The following COLEC10 variants were observed in gnomAD, a reference collection of about 807,000 sequenced individuals.
COLEC10 encodes collectin subfamily member 10.
Under a neutral mutation model 28.4 loss-of-function variants are expected in COLEC10, and 22 were observed. That is an observed-to-expected ratio of 0.78 (90% CI 0.55 to 1.11). The LOEUF (loss-of-function observed/expected upper bound fraction) is 1.11, where lower values mean the gene tolerates loss of function less well. Among genes scored for constraint, COLEC10 ranks in the 50% least tolerant of loss-of-function variants. The pLI, the probability that COLEC10 is intolerant of heterozygous loss-of-function variation, is 0.00. For missense variants in COLEC10, 361 were observed against 344.1 expected (o/e 1.05, Z -0.39); for synonymous variants, 125 against 116.1 (o/e 1.08, Z -0.49).
intron 2 of COLEC10, among the ~76,000 whole-genome samples, chr8:119,045,989 A>T (rs1411797356): frequency 1.3e-5 from 2 of 152,222 alleles, no homozygotes; most frequent in Non-Finnish European, 2.9e-5. Flanking sequence ...TTTACGGTAG[A>T]TTGACTCATG....
At chr8:119,022,683 C>T (rs572457901) in intron 2 of COLEC10, among the ~76,000 whole-genome samples, 74 of 152,156 alleles carry the variant, frequency 4.9e-4, no homozygotes, top group Admixed American at 1.1e-3. Context: ...TGGATTGTTG[C>T]AGGAGCCTCC....
intron 1 of COLEC10, among the ~76,000 whole-genome samples, chr8:119,008,485 T>TA (rs1048753383): frequency 4.7e-5 from 7 of 149,590 alleles, no homozygotes; most frequent in South Asian, 4.2e-4. Context: ...TTTTTATTTT[T>TA]TTTTTTGCCA....
chr8:119,059,280 A>G (rs1232877410), intron 2 of COLEC10, among the ~76,000 whole-genome samples: 1 of 151,882 alleles, frequency 6.6e-6, no homozygotes, highest in Admixed American at 6.6e-5. Flanking sequence ...ACTTCTACAT[A>G]ACCCAAGGTT....
At chr8:119,044,960 A>G (rs1282076024) in intron 2 of COLEC10, among the ~76,000 whole-genome samples, 1 of 152,154 alleles carries the variant, frequency 6.6e-6, no homozygotes, top group Non-Finnish European at 1.5e-5. Flanking sequence ...TGTCATCTAT[A>G]AAATAAAGGG....
At chr8:119,078,990 T>TACACACACACACACAC (rs59453751) in intron 1 of COLEC10, among the ~76,000 whole-genome samples, 1 of 142,990 alleles carries the variant, frequency 7.0e-6, no homozygotes, top group Non-Finnish European at 1.5e-5. Context: ...TGGGAAAACG[T>TACACACACACACACAC]ACACACACAC....
At chr8:118,972,699 C>T in the COLEC10 span, among the ~76,000 whole-genome samples, 1 of 151,972 alleles carries the variant, frequency 6.6e-6, no homozygotes, top group Non-Finnish European at 1.5e-5. Flanking sequence ...ATCTGCAAAA[C>T]TATGAGCTCT....
the COLEC10 span, among the ~76,000 whole-genome samples, chr8:118,970,922 C>G: frequency 6.6e-6 from 1 of 151,948 alleles, no homozygotes; most frequent in Non-Finnish European, 1.5e-5. Flanking sequence ...TTTTACAGTC[C>G]ATGCTTTTTC....
intron 2 of COLEC10, among the ~76,000 whole-genome samples, chr8:119,049,912 C>G (rs1467590539): frequency 6.6e-6 from 1 of 152,108 alleles, no homozygotes; most frequent in African/African-American, 2.4e-5. Context: ...GGGGGGAATA[C>G]AGTATTGCTA....
chr8:118,962,609 G>A, the COLEC10 span, among the ~76,000 whole-genome samples: 1 of 151,312 alleles, frequency 6.6e-6, no homozygotes, highest in Non-Finnish European at 1.5e-5. Context: ...TGTTTTTGTG[G>A]CAAGAACACT....
chr8:118,952,522 A>T, the COLEC10 span, among the ~76,000 whole-genome samples: 3 of 152,348 alleles, frequency 2.0e-5, no homozygotes, highest in African/African-American at 7.2e-5. Context: ...TACATAAACC[A>T]TGTAGTAGGA....
the COLEC10 span, among the ~76,000 whole-genome samples, chr8:118,974,136 C>G: frequency 1.3e-5 from 2 of 151,946 alleles, no homozygotes; most frequent in African/African-American, 4.8e-5. Flanking sequence ...AACAGCAATT[C>G]CTTCCTTGCT....
rs754249553 is a variant in COLEC10 at position 119,102,374 on chromosome 8, G to A, written c.319G>A (p.Gly107Arg). Residue 107 changes from glycine to arginine, a missense_variant, in exon 4 of 6, where the codon GGA becomes AGA. By Grantham distance (125) the Gly-to-Arg change is moderately radical. This residue lies in a region of COLEC10 where 335 missense variants were observed against 308.5 expected (regional missense o/e 1.09). Transcript: ENST00000332843. The stretch of plus-strand genomic sequence containing the variant: ...TGACAAAGGGGAAAAAGGTTTGCTT[G>A]GAATACCTGGAGAAAAAGGCAAAGC... ...KGDKGEKGLL[G>R]IPGEKGKAGT... 50 of 1,607,024 alleles carry A rather than the reference G, an allele frequency of 3.1e-5. No homozygotes were observed. The highest frequency in any genetic ancestry group is 4.1e-5 in the Non-Finnish European group (48 of 1,176,446).
chr8:119,106,375 T>C lies in COLEC10; in HGVS notation c.*184T>C. 3.3e-6 allele frequency: 2 copies of C among 608,948 alleles called. No homozygotes were observed. The highest frequency in any genetic ancestry group is 5.6e-6 in the Non-Finnish European group (2 of 356,400). 37.7% of individuals were successfully genotyped at this position (608,948 alleles called of 1,614,324 possible). A position where few individuals can be genotyped will look rare whatever the true frequency, so the allele number is the denominator to read the frequency against. The stretch of plus-strand genomic sequence containing the variant: ...ATGATTTTCATATTTTCACACATGG[T>C]ATATTATTGACCCAATAACTCGCCA... On this transcript the variant is annotated 3_prime_UTR_variant, in exon 6 of 6. Coordinates refer to ENST00000332843, the MANE Select transcript of COLEC10 (RefSeq NM_006438.5).
chr8:119,069,160 A>C (rs1815036197), intron 1 of COLEC10, among the ~76,000 whole-genome samples: 1 of 151,964 alleles, frequency 6.6e-6, no homozygotes, highest in South Asian at 2.1e-4. Flanking sequence ...GCCGGCACCA[A>C]TTTATGCTTT....
intron 2 of COLEC10, 134 bp from the exon 3 acceptor site, chr8:119,091,015 G>A (rs1815580907): frequency 1.4e-6 from 1 of 707,026 alleles, no homozygotes; most frequent in Non-Finnish European, 2.5e-6. Flanking sequence ...AGACAATATA[G>A]CATGGGATAT....
At chr8:119,081,067 C>T (rs1454284437) in intron 1 of COLEC10, among the ~76,000 whole-genome samples, 1 of 151,860 alleles carries the variant, frequency 6.6e-6, no homozygotes, top group Non-Finnish European at 1.5e-5. Context: ...TACAAACATT[C>T]TTATTTATCC....
the COLEC10 span, among the ~76,000 whole-genome samples, chr8:118,958,989 A>G: frequency 1.3e-5 from 2 of 152,214 alleles, no homozygotes; most frequent in African/African-American, 4.8e-5. Context: ...CAGAATCTCA[A>G]AGAGATATTT....
intron 1 of COLEC10, among the ~76,000 whole-genome samples, chr8:119,008,509 T>C (rs533411833): frequency 6.6e-6 from 1 of 150,408 alleles, no homozygotes; most frequent in African/African-American, 2.5e-5. Context: ...GGATTTGGCT[T>C]GTGCTTAAGG....
chr8:119,049,693 C>T (rs988804154), intron 2 of COLEC10, among the ~76,000 whole-genome samples: 1 of 152,144 alleles, frequency 6.6e-6, no homozygotes, highest in Admixed American at 6.5e-5. Context: ...GGATTACAGG[C>T]GTGAGCCACC....
Sources: gnomAD v4.1 joint callset for allele counts (sites outside exome capture counted in the v4.1 genomes callset) on GRCh38, gnomAD v4.1.1 for gene constraint, gnomAD v4.1.1 regional missense constraint, MANE v1.5 for transcripts, NCBI Gene and HGNC (gene_info 2026-07-23, HGNC 2026-07-21) for gene names.